Variants in USH2A observed in about 807,000 individuals in gnomAD.
USH2A encodes the protein usherin.
A neutral mutation model predicts 538.9 loss-of-function variants in USH2A; 443 were observed. The observed-to-expected ratio is 0.82, with a 90% CI of 0.76 to 0.89. The LOEUF is 0.89. Among genes scored for constraint, USH2A ranks in the 40% least tolerant of loss-of-function variants. The pLI is 0.00. For synonymous variants in USH2A, 2,413 were observed against 2,273.5 expected (o/e 1.06, Z -1.75); for missense variants, 6,633 against 6,324.8 (o/e 1.05, Z -1.65).
rs2102460525 is a variant in USH2A, at chr1:215,888,903, G to A, written c.7746C>T (p.Val2582=). The A allele has an allele frequency of 1.2e-6, 2 of 1,614,096 alleles. No homozygotes were observed. The highest frequency in any genetic ancestry group is 1.7e-6 in the Non-Finnish European group (2 of 1,179,992). The stretch of plus-strand genomic sequence containing the variant: ...GTAAATGCATCACTGTGCAATTAGT[G>A]ACATTTCCAGGAGTTCTCAAGTATA... The part of the protein sequence containing the change: ...GRLYLRTPGN[V]TNCTVMHLHP... Residue 2582 remains valine, a synonymous_variant, in exon 41 of 72, where the codon GTC becomes GTT. Coordinates refer to ENST00000307340, the MANE Select transcript of USH2A (RefSeq NM_206933.4).
chr1:215,895,024 C>G (rs759102246), intron 40 of USH2A, among the ~76,000 whole-genome samples: 3 of 152,204 alleles, frequency 2.0e-5, no homozygotes, highest in Non-Finnish European at 4.4e-5. Context: ...TGAGCTTGCT[C>G]TCATGGACAA....
chr1:215,752,508 A>G (rs1660651939), intron 58 of USH2A, among the ~76,000 whole-genome samples: 1 of 151,860 alleles, frequency 6.6e-6, no homozygotes, highest in African/African-American at 2.4e-5. Context: ...TTGAGAAGTG[A>G]CTCTCCTCCC....
In USH2A at chr1:216,196,616, C is replaced by T. The variant is rs1037824476; in HGVS notation, c.4188G>A (p.Gly1396=). The change falls in exon 19 of 72, where the codon GGG becomes GGA. Residue 1396 remains glycine, a synonymous_variant. Transcript: ENST00000307340. ...ADNVTRGKVV[G]YDINMLSEQS... is the part of the protein sequence containing the mutation. ...GTTCAGAAAGCATATTGATGTCATA[C>T]CCCACAACTTTTCCTCTTGTAACAT... 1.2e-6 allele frequency: 2 copies of T among 1,613,490 alleles called. No homozygotes were observed. Among genetic ancestry groups the T allele is most frequent in the African/African-American group, 2.7e-5 (2 of 74,896 alleles).
At chr1:216,142,680 G>C (rs2033624152) in intron 21 of USH2A, among the ~76,000 whole-genome samples, 1 of 152,118 alleles carries the variant, frequency 6.6e-6, no homozygotes, top group Non-Finnish European at 1.5e-5. Flanking sequence ...ATATGTGAAA[G>C]TATTTTGAAA....
intron 69 of USH2A, among the ~76,000 whole-genome samples, chr1:215,635,861 TTTA>T (rs1656465682): frequency 6.6e-6 from 1 of 151,872 alleles, no homozygotes; most frequent in Admixed American, 6.6e-5. Context: ...GCCAGGCAGG[TTTA>T]TTAAGTCTTG....
chr1:216,241,913 T>G (rs764462664), intron 13 of USH2A, among the ~76,000 whole-genome samples: 7 of 152,204 alleles, frequency 4.6e-5, no homozygotes, highest in Non-Finnish European at 1.0e-4. Flanking sequence ...TTGCAAATTG[T>G]CTTCTTTTCT....
At chr1:215,945,077 G>A (rs963120720) in intron 37 of USH2A, among the ~76,000 whole-genome samples, 9 of 152,094 alleles carry the variant, frequency 5.9e-5, no homozygotes, top group Non-Finnish European at 1.3e-4. Flanking sequence ...TAGAACAGGT[G>A]GCTAGAGTCA....
At chr1:216,406,237 G>T (rs531909491) in intron 3 of USH2A, among the ~76,000 whole-genome samples, 1 of 152,230 alleles carries the variant, frequency 6.6e-6, no homozygotes, top group African/African-American at 2.4e-5. Flanking sequence ...TATCCTGGTC[G>T]TAATATTGTA....
At chr1:216,218,272 A>G (rs2035384608) in intron 14 of USH2A, among the ~76,000 whole-genome samples, 2 of 152,160 alleles carry the variant, frequency 1.3e-5, no homozygotes, top group African/African-American at 4.8e-5. Flanking sequence ...GCTTGTAAAA[A>G]TACCAGTAGT....
chr1:216,166,402 A>T (rs2034170340), intron 21 of USH2A, among the ~76,000 whole-genome samples: 1 of 152,250 alleles, frequency 6.6e-6, no homozygotes, highest in East Asian at 1.9e-4. Context: ...GGTAGAAAGC[A>T]GGTAAGCAGA....
intron 43 of USH2A, among the ~76,000 whole-genome samples, chr1:215,871,323 CTA>C (rs1188327502): frequency 2.0e-5 from 3 of 152,210 alleles, no homozygotes; most frequent in Admixed American, 6.5e-5. Flanking sequence ...AATTAGAAAA[CTA>C]GATTATGTTT....
chr1:216,323,718 G>A (rs1410430356), intron 7 of USH2A, 23 bp from the exon 8 acceptor site: 1 of 1,609,024 alleles, frequency 6.2e-7, no homozygotes. Context: ...GAAATTCGAT[G>A]TCATGAAAAT....
At chr1:216,324,103 A>G (rs1571701928) in intron 7 of USH2A, 65 bp downstream of exon 7, 1 of 1,545,662 alleles carries the variant, frequency 6.5e-7, no homozygotes. Flanking sequence ...CTAGAGAGCT[A>G]GCATACTTGT....
At chr1:215,642,049 G>C (rs1426382161) in intron 67 of USH2A, among the ~76,000 whole-genome samples, 2 of 152,154 alleles carry the variant, frequency 1.3e-5, no homozygotes, top group East Asian at 1.9e-4. Flanking sequence ...TAACAGCACA[G>C]ATAAAGAAAC....
intron 61 of USH2A, among the ~76,000 whole-genome samples, chr1:215,680,984 T>C (rs1658209247): frequency 6.6e-6 from 1 of 152,168 alleles, no homozygotes; most frequent in South Asian, 2.1e-4. Flanking sequence ...AGTCTATTAT[T>C]AATATAGATA....
intron 11 of USH2A, among the ~76,000 whole-genome samples, chr1:216,266,551 T>A (rs1444738849): frequency 6.6e-6 from 1 of 152,052 alleles, no homozygotes; most frequent in East Asian, 1.9e-4. Flanking sequence ...AGGAAGCTAT[T>A]GAGTAATATA....
rs146906578 is a variant in USH2A at position 216,199,706 on chromosome 1, T to C, written c.3732A>G (p.Gln1244=). The C allele has an allele frequency of 1.2e-6, 2 of 1,614,020 alleles. No homozygotes were observed. The highest frequency in any genetic ancestry group is 1.7e-6 in the Non-Finnish European group (2 of 1,179,950). The change falls in exon 17 of 72, where the codon CAA becomes CAG. Residue 1244 remains glutamine (Q), a synonymous_variant. Transcript: ENST00000307340. ...TCTGCATCTTAGGTGGACTTAGTCT[T>C]TGGGGAGGGGCCTGGGCTGTGGTCA... ...ITVTTAQAPP[Q]RLSPPKMQKI...
chr1:216,244,238 G>A lies in USH2A; in HGVS notation c.2809+2347C>T, dbSNP rs145031029. On this transcript the variant is annotated intron_variant, in intron 13 of 71. Coordinates refer to ENST00000307340, the MANE Select transcript of USH2A (RefSeq NM_206933.4). ...AGGTAGATTGAAATCGGCTCTGCATGTGACATGTGTAGCTCCAGTGAAGTG... is the reference window on the plus strand; with the variant it reads ...AGGTAGATTGAAATCGGCTCTGCATATGACATGTGTAGCTCCAGTGAAGTG... Among the ~76,000 whole-genome samples the A allele has an allele frequency of 2.4e-3, 359 of 152,260 alleles. 1 individual carries two copies. The highest frequency in any genetic ancestry group is 7.9e-3 in the African/African-American group (329 of 41,564).
At chr1:216,250,170 G>A (rs773881072) in intron 12 of USH2A, among the ~76,000 whole-genome samples, 14 of 152,046 alleles carry the variant, frequency 9.2e-5, no homozygotes, top group South Asian at 4.2e-4. Flanking sequence ...CTTATGTGGC[G>A]GTGGTTCCCC....
Sources: allele counts gnomAD v4.1 joint callset (sites outside exome capture counted in the v4.1 genomes callset), GRCh38; gene constraint gnomAD v4.1.1; transcripts MANE v1.5; gene names NCBI Gene and HGNC (gene_info 2026-07-23, HGNC 2026-07-21).